The following PSD3 variants were observed in gnomAD, a reference collection of about 807,000 sequenced individuals.
PSD3 encodes pleckstrin and Sec7 domain containing 3.
PSD3 carries 49 observed loss-of-function variants against 105.5 expected under a neutral mutation model. The ratio of observed to expected loss-of-function variants is 0.46; its 90% CI spans 0.37 to 0.59. The LOEUF (loss-of-function observed/expected upper bound fraction) is 0.59, where lower values mean the gene tolerates loss of function less well. PSD3 is among the 20% of genes least tolerant of loss of function. PSD3 has a pLI of 0.00. For missense variants in PSD3, 1,561 were observed against 1,263.8 expected, an observed-to-expected ratio of 1.24 and a Z score of -3.57; for synonymous variants, 557 against 457.8, an observed-to-expected ratio of 1.22 and a Z score of -2.77.
chr8:18,839,526 C>G (rs1814433048), intron 4 of PSD3, among the ~76,000 whole-genome samples: 1 of 152,036 alleles, frequency 6.6e-6, no homozygotes, highest in Admixed American at 6.5e-5. Flanking sequence ...TGCAGCAAAG[C>G]CAAGGGGAAT....
intron 8 of PSD3, among the ~76,000 whole-genome samples, chr8:18,785,634 A>G (rs1024265641): frequency 2.6e-5 from 4 of 152,148 alleles, no homozygotes; most frequent in African/African-American, 9.7e-5. Flanking sequence ...TTTCCTTTAC[A>G]TTACAACTTT....
chr8:18,844,738 T>C (rs1814939844), intron 4 of PSD3, among the ~76,000 whole-genome samples: 2 of 152,180 alleles, frequency 1.3e-5, no homozygotes, highest in Non-Finnish European at 2.9e-5. Flanking sequence ...CAAAAACCAA[T>C]GTGTAAGAGA....
intron 1 of PSD3, among the ~76,000 whole-genome samples, chr8:19,068,810 C>T (rs962997299): frequency 2.6e-5 from 4 of 151,250 alleles, no homozygotes; most frequent in Non-Finnish European, 4.4e-5. Context: ...GTGCTTGGTG[C>T]TGCGATGTAC....
At chr8:19,053,930 G>A (rs1320276383) in intron 1 of PSD3, among the ~76,000 whole-genome samples, 1 of 152,220 alleles carries the variant, frequency 6.6e-6, no homozygotes, top group Admixed American at 6.5e-5. Context: ...CAGTCTTGGA[G>A]TTACAAGACT....
intron 1 of PSD3, among the ~76,000 whole-genome samples, chr8:19,029,765 C>T (rs555386699): frequency 6.6e-6 from 1 of 152,110 alleles, no homozygotes; most frequent in Non-Finnish European, 1.5e-5. Context: ...TATTTTCATG[C>T]TTTTTGATGC....
intron 1 of PSD3, among the ~76,000 whole-genome samples, chr8:18,943,857 A>G (rs1822703855): frequency 6.6e-6 from 1 of 151,956 alleles, no homozygotes; most frequent in Non-Finnish European, 1.5e-5. Context: ...TCACTCACCA[A>G]GCTAATGAAA....
At chr8:18,809,125 A>G (rs1006462073) in intron 4 of PSD3, among the ~76,000 whole-genome samples, 1 of 152,218 alleles carries the variant, frequency 6.6e-6, no homozygotes, top group African/African-American at 2.4e-5. Context: ...TCTTGAATAC[A>G]CAAGACATTG....
intron 4 of PSD3, among the ~76,000 whole-genome samples, chr8:18,820,780 T>C (rs1228547375): frequency 6.6e-6 from 1 of 152,218 alleles, no homozygotes; most frequent in Non-Finnish European, 1.5e-5. Flanking sequence ...CTTTTCTCTT[T>C]TGAGACAGCA....
At chr8:18,687,645 T>G (rs979352291) in intron 9 of PSD3, among the ~76,000 whole-genome samples, 1 of 152,164 alleles carries the variant, frequency 6.6e-6, no homozygotes, top group Non-Finnish European at 1.5e-5. Context: ...CTATGCATCC[T>G]TCCAGAGATA....
chr8:18,628,072 A>C (rs1333547496), intron 11 of PSD3, among the ~76,000 whole-genome samples: 1 of 152,018 alleles, frequency 6.6e-6, no homozygotes, highest in Non-Finnish European at 1.5e-5. Flanking sequence ...AAACTATCAA[A>C]TAAAGTACTG....
chr8:18,872,884 A>G, intron 2 of PSD3, 151 bp from the exon 3 acceptor site: 1 of 737,812 alleles, frequency 1.4e-6, no homozygotes. Flanking sequence ...TGTAACACAC[A>G]CTCCTCATGA....
chr8:19,001,052 C>T (rs112207100), intron 1 of PSD3: 1 of 151,444 alleles, frequency 6.6e-6, no homozygotes, highest in Non-Finnish European at 1.5e-5. Context: ...GCACCTGCCA[C>T]GCGCAAACAC....
At chr8:18,849,368 G>A (rs1298071000) in intron 4 of PSD3, 4 of 152,012 alleles carry the variant, frequency 2.6e-5, no homozygotes, top group African/African-American at 9.7e-5. Flanking sequence ...TACTATTTTT[G>A]GCCATGCACT....
upstream of PSD3, among the ~76,000 whole-genome samples, chr8:19,018,597 T>A (rs1827251471): frequency 6.6e-6 from 1 of 152,230 alleles, no homozygotes; most frequent in Non-Finnish European, 1.5e-5. Context: ...TGTGTGTACA[T>A]GAAAGCACGC....
At chr8:18,816,041 C>A (rs1009253708) in intron 4 of PSD3, among the ~76,000 whole-genome samples, 1 of 152,210 alleles carries the variant, frequency 6.6e-6, no homozygotes, top group Non-Finnish European at 1.5e-5. Context: ...CTGCTTTCAT[C>A]TCTTTAAAAT....
chr8:18,713,170 C>G (rs756763000), intron 9 of PSD3, among the ~76,000 whole-genome samples: 19 of 152,126 alleles, frequency 1.2e-4, no homozygotes, highest in Non-Finnish European at 7.4e-5. Context: ...AAACCCACAG[C>G]CAGTATCATA....
At chr8:18,844,275 C>T (rs1051445651) in intron 4 of PSD3, among the ~76,000 whole-genome samples, 2 of 152,134 alleles carry the variant, frequency 1.3e-5, no homozygotes, top group Non-Finnish European at 2.9e-5. Flanking sequence ...CTTGGGTCCC[C>T]TGAGAATTCT....
chr8:18,639,040 C>T (rs1585465856), intron 10 of PSD3, among the ~76,000 whole-genome samples: 1 of 152,196 alleles, frequency 6.6e-6, no homozygotes. Flanking sequence ...ATGACACCAT[C>T]CCCTCTTCGA....
chr8:18,550,105 C>T (rs1210215663), intron 15 of PSD3, among the ~76,000 whole-genome samples: 1 of 152,092 alleles, frequency 6.6e-6, no homozygotes, highest in Non-Finnish European at 1.5e-5. Context: ...ATAGAGTGAC[C>T]CTTATCAGAG....
Sources: allele counts gnomAD v4.1 joint callset (sites outside exome capture counted in the v4.1 genomes callset), GRCh38; gene constraint gnomAD v4.1.1; transcripts MANE v1.5; gene names NCBI Gene and HGNC (gene_info 2026-07-23, HGNC 2026-07-21).